The following PTPRD variants were observed in gnomAD, a reference collection of about 807,000 sequenced individuals.
PTPRD encodes protein tyrosine phosphatase receptor type D.
In PTPRD, 34 loss-of-function variants were observed where a neutral mutation model predicts 214.5. That is an observed-to-expected ratio of 0.16 (90% CI 0.12 to 0.21). The LOEUF is 0.21. Among genes scored for constraint, PTPRD ranks in the 10% least tolerant of loss-of-function variants. The pLI is 1.00. For synonymous variants in PTPRD, 1,128 were observed against 845.7 expected (o/e 1.33, Z -5.79); for missense variants, 2,545 against 2,398.7 (o/e 1.06, Z -1.27).
intron 2 of PTPRD, among the ~76,000 whole-genome samples, chr9:10,554,955 A>C (rs892603043): frequency 6.6e-5 from 10 of 152,076 alleles, no homozygotes; most frequent in African/African-American, 2.4e-4. Flanking sequence ...CCACCGCTCC[A>C]GGCTATACAT....
chr9:9,298,999 G>T (rs1954206880), intron 9 of PTPRD, among the ~76,000 whole-genome samples: 1 of 151,648 alleles, frequency 6.6e-6, no homozygotes, highest in African/African-American at 2.4e-5. Flanking sequence ...TAAGCTGCAT[G>T]GCTTCTTTGC....
At chr9:9,792,249 G>T (rs1434890449) in intron 5 of PTPRD, among the ~76,000 whole-genome samples, 1 of 151,874 alleles carries the variant, frequency 6.6e-6, no homozygotes, top group Non-Finnish European at 1.5e-5. Context: ...AGTACTGCAT[G>T]TTATTTAATG....
At chr9:8,887,297 C>A (rs937211417) in intron 11 of PTPRD, among the ~76,000 whole-genome samples, 12 of 152,264 alleles carry the variant, frequency 7.9e-5, no homozygotes, top group African/African-American at 2.6e-4. Context: ...CTGTCAAACA[C>A]AGACATGCAC....
chr9:8,554,323 G>GA (rs1421997637), intron 14 of PTPRD, among the ~76,000 whole-genome samples: 1 of 151,998 alleles, frequency 6.6e-6, no homozygotes, highest in Non-Finnish European at 1.5e-5. Flanking sequence ...GCTAGAAATA[G>GA]AAAAAAATGA....
intron 9 of PTPRD, among the ~76,000 whole-genome samples, chr9:9,206,227 G>A (rs2099944773): frequency 6.6e-6 from 1 of 152,182 alleles, no homozygotes; most frequent in Non-Finnish European, 1.5e-5. Context: ...TGAGGTCAGA[G>A]AAGTAATGAT....
intron 2 of PTPRD, among the ~76,000 whole-genome samples, chr9:10,592,049 C>T (rs186530206): frequency 2.4e-4 from 36 of 152,130 alleles, no homozygotes; most frequent in Admixed American, 1.4e-3. Context: ...TACTTTGTTG[C>T]GCAGCAACAG....
At chr9:10,295,911 C>T (rs552057779) in intron 3 of PTPRD, among the ~76,000 whole-genome samples, 7 of 152,122 alleles carry the variant, frequency 4.6e-5, no homozygotes, top group Non-Finnish European at 8.8e-5. Flanking sequence ...GAGCAATTAA[C>T]GGCTTCCTCA....
intron 3 of PTPRD, among the ~76,000 whole-genome samples, chr9:10,244,056 T>C (rs2091637180): frequency 6.6e-6 from 1 of 151,942 alleles, no homozygotes; most frequent in South Asian, 2.1e-4. Context: ...GTAAAGTGCA[T>C]AGAATGAGAC....
intron 11 of PTPRD, among the ~76,000 whole-genome samples, chr9:8,821,568 G>C (rs531848192): frequency 2.6e-4 from 39 of 152,294 alleles, no homozygotes; most frequent in Admixed American, 2.4e-3. Flanking sequence ...TCCCAATGCA[G>C]TCACCTCTTC....
At chr9:9,719,887 C>T (rs10816166) in intron 7 of PTPRD, among the ~76,000 whole-genome samples, 65,142 of 152,072 alleles carry the variant, frequency 0.43, 16,364 homozygotes, top group African/African-American at 0.69. Flanking sequence ...CATGGTGCTG[C>T]CACCTGTGCT....
At chr9:9,261,544 C>A (rs2099980102) in intron 9 of PTPRD, among the ~76,000 whole-genome samples, 1 of 151,646 alleles carries the variant, frequency 6.6e-6, no homozygotes, top group African/African-American at 2.4e-5. Flanking sequence ...AAATGATTTT[C>A]ACTTTTAGAG....
At chr9:9,425,334 G>A (rs958746061) in intron 8 of PTPRD, among the ~76,000 whole-genome samples, 1 of 149,798 alleles carries the variant, frequency 6.7e-6, no homozygotes, top group East Asian at 1.9e-4. Context: ...ATGGTGTGTA[G>A]TGCAGCAATA....
intron 2 of PTPRD, among the ~76,000 whole-genome samples, chr9:10,375,596 G>A (rs891012613): frequency 6.6e-6 from 1 of 151,908 alleles, no homozygotes; most frequent in Non-Finnish European, 1.5e-5. Flanking sequence ...ATAACAAAAA[G>A]AATAGTTCAG....
At chr9:8,432,325 T>C (rs1420709202) in intron 35 of PTPRD, among the ~76,000 whole-genome samples, 1 of 152,248 alleles carries the variant, frequency 6.6e-6, no homozygotes, top group African/African-American at 2.4e-5. Context: ...TACACTAATT[T>C]ATCAAGTCCA....
chr9:9,019,554 T>C (rs929048151), intron 10 of PTPRD, among the ~76,000 whole-genome samples: 67 of 151,742 alleles, frequency 4.4e-4, no homozygotes, highest in African/African-American at 1.5e-3. Context: ...AAAATACAAA[T>C]AATTAGCCAG....
intron 11 of PTPRD, among the ~76,000 whole-genome samples, chr9:8,811,210 C>G (rs978753375): frequency 3.2e-4 from 49 of 152,196 alleles, no homozygotes; most frequent in Non-Finnish European, 4.4e-5. Context: ...TGGACTCCAT[C>G]TCCTTTTCGG....
intron 12 of PTPRD, among the ~76,000 whole-genome samples, chr9:8,660,265 C>T (rs1596307409): frequency 6.6e-6 from 1 of 151,414 alleles, no homozygotes; most frequent in Admixed American, 6.6e-5. Context: ...AATAGCCATA[C>T]ACGTAACAGG....
At position 10,343,800 on chromosome 9, in the gene PTPRD, C is replaced by T. The variant is rs1465257138; in HGVS notation, c.-599-2783G>A. ...TCTTTTGAGAAGTGTCTGTTCATAT[C>T]CTTTGCCCACTTTTTGATGGGGTTG... On this transcript the variant is annotated intron_variant, in intron 2 of 45. Coordinates refer to ENST00000381196, the MANE Select transcript of PTPRD (RefSeq NM_002839.4). Among the ~76,000 whole-genome samples, 6 of 151,860 alleles carry T rather than the reference C, an allele frequency of 4.0e-5. No individual in the cohort carries two copies. In the South Asian group the frequency reaches 1.2e-3, roughly 32 times the overall value.
chr9:9,728,642 G>C (rs747245193), intron 7 of PTPRD, among the ~76,000 whole-genome samples: 4 of 152,038 alleles, frequency 2.6e-5, no homozygotes, highest in Non-Finnish European at 5.9e-5. Flanking sequence ...TAAACTTTGG[G>C]CACCACATCA....
Sources: gnomAD v4.1 joint callset for allele counts (sites outside exome capture counted in the v4.1 genomes callset) on GRCh38, gnomAD v4.1.1 for gene constraint, MANE v1.5 for transcripts, NCBI Gene and HGNC (gene_info 2026-07-23, HGNC 2026-07-21) for gene names.